The following POLD3 variants were observed in gnomAD, a reference collection of about 807,000 sequenced individuals.
POLD3 encodes DNA polymerase delta subunit 3.
POLD3 carries 19 observed loss-of-function variants against 58.2 expected under a neutral mutation model. That is an observed-to-expected ratio of 0.33 (90% CI 0.23 to 0.48). POLD3 has a LOEUF of 0.48. Among genes scored for constraint, POLD3 ranks in the 20% least tolerant of loss-of-function variants. The probability of loss-of-function intolerance (pLI) is 0.99; values close to 1 mark genes in which losing one functional copy is unlikely to be tolerated. For missense variants in POLD3, 504 were observed against 545.5 expected, an observed-to-expected ratio of 0.92 and a Z score of 0.76; for synonymous variants, 172 against 193.5, an observed-to-expected ratio of 0.89 and a Z score of 0.92.
intron 3 of POLD3, among the ~76,000 whole-genome samples, chr11:74,605,681 C>T (rs935052680): frequency 6.6e-6 from 1 of 152,186 alleles, no homozygotes; most frequent in Non-Finnish European, 1.5e-5. Flanking sequence ...CGCTGTTTTC[C>T]TCTTTCCTTT....
downstream of POLD3, among the ~76,000 whole-genome samples, chr11:74,644,931 A>C (rs960399827): frequency 1.3e-5 from 2 of 152,158 alleles, no homozygotes; most frequent in East Asian, 1.9e-4. Context: ...TACTTTGTTT[A>C]GTGTCTGTTT....
chr11:74,611,910 A>C (rs1368490396), intron 4 of POLD3, among the ~76,000 whole-genome samples: 4 of 152,212 alleles, frequency 2.6e-5, no homozygotes, highest in Admixed American at 2.0e-4. Flanking sequence ...CTTCTAAATA[A>C]CTTCTAAATT....
chr11:74,647,386 T>C (rs2033012230), downstream of POLD3, among the ~76,000 whole-genome samples: 1 of 148,450 alleles, frequency 6.7e-6, no homozygotes, highest in Non-Finnish European at 1.5e-5. Flanking sequence ...TACTTTATCT[T>C]ACTTCATCCT....
intron 4 of POLD3, among the ~76,000 whole-genome samples, chr11:74,648,204 C>T (rs2033024412): frequency 6.6e-6 from 1 of 152,180 alleles, no homozygotes; most frequent in African/African-American, 2.4e-5. Flanking sequence ...TGTGATCTTG[C>T]CAGTAAGTCT....
rs759236639 is a variant in POLD3, at chr11:74,612,873, T to G, written c.260-5T>G. The G allele has an allele frequency of 6.2e-7, 1 of 1,605,726 alleles. No individual in the cohort carries two copies. Among genetic ancestry groups the G allele is most frequent in the South Asian group, 1.1e-5 (1 of 89,246 alleles). On this transcript the variant is annotated splice_region_variant and splice_polypyrimidine_tract_variant and intron_variant, in intron 4 of 11. Coordinates refer to ENST00000263681, the MANE Select transcript of POLD3 (RefSeq NM_006591.3). ...TAACTGACTGCTTTTCCTGTTGACTTGTAGCAGTGAAGTCCAAGCTAGCTG... is the reference window on the plus strand; with the variant it reads ...TAACTGACTGCTTTTCCTGTTGACTGGTAGCAGTGAAGTCCAAGCTAGCTG...
At chr11:74,658,854 T>C (rs2033169464) in intron 4 of POLD3, among the ~76,000 whole-genome samples, 1 of 152,134 alleles carries the variant, frequency 6.6e-6, no homozygotes, top group Non-Finnish European at 1.5e-5. Context: ...TGGGCTGGCA[T>C]TGAGTGTCTG....
At chr11:74,648,060 A>G (rs891597317), downstream of POLD3, among the ~76,000 whole-genome samples, 11 of 152,254 alleles carry the variant, frequency 7.2e-5, no homozygotes, top group Non-Finnish European at 1.5e-4. Context: ...TTAATAATTT[A>G]TAATGAAAAG....
Position 74,629,687 on chromosome 11 carries a change from G to A in POLD3, c.1006+364G>A, listed in dbSNP as rs528599697. ...CTAGGCAGCCAGGGTATTACTGGTG[G>A]TGGTCCACACAGGTAAAACTAGGGT... On this transcript the variant is annotated intron_variant, in intron 9 of 11. Transcript: ENST00000263681. Among the ~76,000 whole-genome samples, 5 of 151,490 alleles carry A rather than the reference G, an allele frequency of 3.3e-5. No homozygotes were observed. The South Asian group carries it at 1.0e-3, about 32-fold the overall frequency.
chr11:74,625,328 C>T, intron 7 of POLD3, 80 bp from the exon 8 acceptor site: 1 of 1,156,398 alleles, frequency 8.6e-7, no homozygotes, highest in Non-Finnish European at 1.2e-6. Flanking sequence ...TATTACCTGG[C>T]ACATGGTAGA....
intron 5 of POLD3, among the ~76,000 whole-genome samples, chr11:74,616,407 T>C (rs1373169077): frequency 6.6e-6 from 1 of 152,250 alleles, no homozygotes; most frequent in Non-Finnish European, 1.5e-5. Context: ...AGCAGAGATC[T>C]CTTGTCATCA....
At chr11:74,604,841 G>A (rs1161033457) in intron 3 of POLD3, 47 bp downstream of exon 3, 1 of 1,025,558 alleles carries the variant, frequency 9.8e-7, no homozygotes, top group South Asian at 1.3e-5. Context: ...TTTGTGTTAT[G>A]AAGAGTGTTA....
chr11:74,666,156 C>A (rs534127751), intron 4 of POLD3, among the ~76,000 whole-genome samples: 2 of 152,286 alleles, frequency 1.3e-5, no homozygotes, highest in African/African-American at 4.8e-5. Context: ...ACAATGGTAT[C>A]AAAAAGTTTA....
intron 4 of POLD3, among the ~76,000 whole-genome samples, chr11:74,663,005 C>T (rs1669997208): frequency 6.6e-6 from 1 of 152,176 alleles, no homozygotes; most frequent in South Asian, 2.1e-4. Flanking sequence ...ATTCTCTGTA[C>T]CAAGGGCACT....
downstream of POLD3, among the ~76,000 whole-genome samples, chr11:74,648,073 A>T (rs139241093): frequency 5.5e-4 from 84 of 152,372 alleles, no homozygotes; most frequent in African/African-American, 1.9e-3. Context: ...ATGAAAAGTT[A>T]GAGAAACTAG....
At chr11:74,618,263 G>A (rs572962041) in intron 5 of POLD3, among the ~76,000 whole-genome samples, 5 of 152,076 alleles carry the variant, frequency 3.3e-5, no homozygotes, top group Non-Finnish European at 7.4e-5. Context: ...GTGGTAGAAG[G>A]CACCTAATTC....
intron 10 of POLD3, among the ~76,000 whole-genome samples, chr11:74,634,956 C>T (rs2032705403): frequency 6.6e-6 from 1 of 152,184 alleles, no homozygotes; most frequent in South Asian, 2.1e-4. Context: ...TGACCTTCAG[C>T]ATCTCTGCTG....
intron 5 of POLD3, among the ~76,000 whole-genome samples, chr11:74,615,758 A>T (rs902916440): frequency 1.3e-5 from 2 of 152,190 alleles, no homozygotes; most frequent in Non-Finnish European, 2.9e-5. Context: ...AGAAAGATAT[A>T]GAATTGCCAT....
chr11:74,629,805 A>G (rs2032539472), intron 9 of POLD3, among the ~76,000 whole-genome samples: 1 of 152,142 alleles, frequency 6.6e-6, no homozygotes, highest in African/African-American at 2.4e-5. Context: ...AAGATAAGCA[A>G]ACCTCATAAG....
At chr11:74,613,636 G>A (rs575800738) in intron 5 of POLD3, among the ~76,000 whole-genome samples, 1 of 152,176 alleles carries the variant, frequency 6.6e-6, no homozygotes, top group Non-Finnish European at 1.5e-5. Flanking sequence ...TTGTGGGGTT[G>A]TATTGATAAT....
Sources: gnomAD v4.1 joint callset for allele counts (sites outside exome capture counted in the v4.1 genomes callset) on GRCh38, gnomAD v4.1.1 for gene constraint, MANE v1.5 for transcripts, NCBI Gene and HGNC (gene_info 2026-07-23, HGNC 2026-07-21) for gene names.